Variants in SEC23IP observed in about 807,000 individuals in gnomAD.
The protein encoded by SEC23IP is SEC23 interacting protein.
SEC23IP carries 70 observed loss-of-function variants against 113.4 expected under a neutral mutation model. The ratio of observed to expected loss-of-function variants is 0.62; its 90% confidence interval spans 0.51 to 0.75. SEC23IP has a LOEUF of 0.75. Among genes scored for constraint, SEC23IP ranks in the 30% least tolerant of loss-of-function variants. The pLI, the probability that SEC23IP is intolerant of heterozygous loss-of-function variation, is 0.00. For synonymous variants in SEC23IP, 398 were observed against 421.0 expected (o/e 0.95, Z 0.67); for missense variants, 1,160 against 1,204.9 (o/e 0.96, Z 0.55).
chr10:119,920,863 A>C lies in SEC23IP; in HGVS notation c.2026-26A>C, dbSNP rs780391735. 5 of 1,440,500 alleles carry C rather than the reference A, an allele frequency of 3.5e-6. No individual in the cohort carries two copies. The East Asian group carries it at 1.1e-4, about 33-fold the overall frequency. The allele number at this position is 1,440,500 out of a possible 1,614,324, so 89.2% of individuals were successfully genotyped here. On this transcript the variant is annotated intron_variant, in intron 11 of 18. Transcript: ENST00000369075. ...AGTTCTTCTATCACTAGATTGATTAATGTGCTTGTCTGTTTCCTTTTAAAG... is the reference window on the plus strand; with the variant it reads ...AGTTCTTCTATCACTAGATTGATTACTGTGCTTGTCTGTTTCCTTTTAAAG...
chr10:119,926,255 A>C, intron 13 of SEC23IP, 28 bp downstream of exon 13: 2 of 1,581,762 alleles, frequency 1.3e-6, no homozygotes, highest in Non-Finnish European at 1.7e-6. Flanking sequence ...CTGGGGCTAC[A>C]TAGTTCATGT....
intron 2 of SEC23IP, among the ~76,000 whole-genome samples, chr10:119,900,705 C>T (rs573630191): frequency 1.5e-4 from 23 of 152,224 alleles, no homozygotes; most frequent in African/African-American, 5.1e-4. Context: ...AGTGATCTTC[C>T]TGCCTCAGCC....
chr10:119,898,255 TAAG>T, intron 1 of SEC23IP, 169 bp from the exon 2 acceptor site: 3 of 1,216,270 alleles, frequency 2.5e-6, no homozygotes, highest in Non-Finnish European at 3.2e-6. Context: ...TTTTCATTTC[TAAG>T]AAGCAAGTTT....
intron 18 of SEC23IP, among the ~76,000 whole-genome samples, chr10:119,938,937 A>T (rs1050783218): frequency 2.0e-5 from 3 of 152,224 alleles, no homozygotes; most frequent in African/African-American, 7.2e-5. Flanking sequence ...TACATAGTTC[A>T]TTCAAGCTTA....
chr10:119,939,020 C>G lies in SEC23IP; in HGVS notation c.*21-1566C>G, dbSNP rs76278409. ...TTTTTAGGATTGTTCTTTGAAAAGC[C>G]TCAAATTGGCCAGGTGTGGTGGCTT... is the stretch of plus-strand genomic sequence containing the variant. On this transcript the variant is annotated intron_variant, in intron 18 of 18. Coordinates refer to ENST00000369075, the MANE Select transcript of SEC23IP (RefSeq NM_007190.4). Among the ~76,000 whole-genome samples, 1,268 of 152,156 alleles carry G rather than the reference C, an allele frequency of 8.3e-3. 14 individuals carry two copies. The highest frequency in any genetic ancestry group is 0.029 in the African/African-American group (1,206 of 41,508).
intron 5 of SEC23IP, among the ~76,000 whole-genome samples, chr10:119,910,146 A>G (rs773621982): frequency 3.3e-5 from 5 of 152,242 alleles, no homozygotes; most frequent in Non-Finnish European, 7.3e-5. Context: ...GATATTTTCA[A>G]TGAATCTTTA....
At chr10:119,915,093 A>G (rs1365147803) in intron 7 of SEC23IP, among the ~76,000 whole-genome samples, 1 of 152,240 alleles carries the variant, frequency 6.6e-6, no homozygotes, top group Admixed American at 6.5e-5. Flanking sequence ...TGCAGCAGCT[A>G]GGAGCACCTC....
Position 119,921,090 on chromosome 10 carries a change from T to C in SEC23IP, c.2121+106T>C, listed in dbSNP as rs1341587034. ...ACTATGGTTAGGTAAGCTAGTTTGC[T>C]CCCTACCTAGGGCACAGTAATGGAG... is the stretch of plus-strand genomic sequence containing the variant. On this transcript the variant is annotated intron_variant, in intron 12 of 18. Transcript: ENST00000369075. The C allele has an allele frequency of 5.3e-6, 4 of 751,316 alleles. No homozygotes were observed. In the African/African-American group the frequency reaches 7.1e-5, roughly 13 times the overall value. The allele number at this position is 751,316 out of a possible 1,614,324, so 46.5% of individuals were successfully genotyped here.
At chr10:119,914,502 A>G in intron 6 of SEC23IP, 2 of 493,188 alleles carry the variant, frequency 4.1e-6, no homozygotes, top group Non-Finnish European at 7.4e-6. Context: ...GCTTCCAGGA[A>G]CAGAGAGAGC....
At chr10:119,893,365 G>A (rs1040132119) in intron 1 of SEC23IP, among the ~76,000 whole-genome samples, 1 of 151,650 alleles carries the variant, frequency 6.6e-6, no homozygotes, top group African/African-American at 2.4e-5. Flanking sequence ...CCTCTCCTAG[G>A]ATACGGTACA....
At chr10:119,925,938 C>G in intron 12 of SEC23IP, 98 bp from the exon 13 acceptor site, 1 of 972,516 alleles carries the variant, frequency 1.0e-6, no homozygotes, top group Non-Finnish European at 1.5e-6. Flanking sequence ...TAAGAAGTAG[C>G]TAATCATTCC....
At chr10:119,930,208 G>T in intron 14 of SEC23IP, 121 bp from the exon 15 acceptor site, 1 of 532,942 alleles carries the variant, frequency 1.9e-6, no homozygotes, top group Non-Finnish European at 3.3e-6. Context: ...TGAATAAGGT[G>T]TGGAGAAAAA....
chr10:119,935,277 A>G (rs1855737541), intron 18 of SEC23IP, among the ~76,000 whole-genome samples: 1 of 152,156 alleles, frequency 6.6e-6, no homozygotes, highest in Admixed American at 6.5e-5. Context: ...CCTGGCTAAC[A>G]TGGTGAAACC....
At chr10:119,909,614 A>G (rs1028172757) in intron 5 of SEC23IP, among the ~76,000 whole-genome samples, 1 of 151,978 alleles carries the variant, frequency 6.6e-6, no homozygotes, top group Non-Finnish European at 1.5e-5. Context: ...AATTTTTCTC[A>G]GGCTGGGTGT....
chr10:119,927,269 T>C (rs2134516547), intron 13 of SEC23IP, among the ~76,000 whole-genome samples: 2 of 152,360 alleles, frequency 1.3e-5, no homozygotes, highest in East Asian at 3.9e-4. Flanking sequence ...TAATGACTTA[T>C]TCTTATTTCC....
At chr10:119,900,649 G>A (rs936268586) in intron 2 of SEC23IP, among the ~76,000 whole-genome samples, 2 of 152,040 alleles carry the variant, frequency 1.3e-5, no homozygotes, top group Admixed American at 6.6e-5. Context: ...TTGGAATGCA[G>A]TGGCGCAATC....
chr10:119,937,479 A>G (rs1201219372), intron 18 of SEC23IP, among the ~76,000 whole-genome samples: 2 of 151,948 alleles, frequency 1.3e-5, no homozygotes, highest in African/African-American at 2.4e-5. Context: ...TACAGAAATT[A>G]GATGGGTGTG....
At chr10:119,905,141 A>T (rs953604396) in intron 4 of SEC23IP, among the ~76,000 whole-genome samples, 1 of 152,104 alleles carries the variant, frequency 6.6e-6, no homozygotes, top group Non-Finnish European at 1.5e-5. Flanking sequence ...CCTCAGAAAA[A>T]AAAAAAGTAT....
chr10:119,927,853 CA>C (rs1855472538), intron 13 of SEC23IP, among the ~76,000 whole-genome samples: 1 of 152,066 alleles, frequency 6.6e-6, no homozygotes, highest in Non-Finnish European at 1.5e-5. Flanking sequence ...TTATTTCTTC[CA>C]GTTAAGTTGG....
Sources: allele counts gnomAD v4.1 joint callset (sites outside exome capture counted in the v4.1 genomes callset), GRCh38; gene constraint gnomAD v4.1.1; transcripts MANE v1.5; gene names NCBI Gene and HGNC (gene_info 2026-07-23, HGNC 2026-07-21).